The following CCDC178 variants were observed in gnomAD, a reference collection of about 807,000 sequenced individuals.
The protein encoded by CCDC178 is coiled-coil domain-containing protein 178.
CCDC178 carries 126 observed loss-of-function variants against 117.4 expected under a neutral mutation model. That is an observed-to-expected ratio of 1.07 (90% CI 0.93 to 1.24). The LOEUF (loss-of-function observed/expected upper bound fraction) is 1.24, where lower values mean the gene tolerates loss of function less well. Ranked by LOEUF, CCDC178 falls within the 50% of genes most tolerant of loss-of-function variation. The pLI is 0.00. For missense variants in CCDC178, 1,030 were observed against 986.9 expected, an observed-to-expected ratio of 1.04 and a Z score of -0.59; for synonymous variants, 283 against 313.4, an observed-to-expected ratio of 0.90 and a Z score of 1.02.
At chr18:33,187,019 T>C (rs185631) in intron 20 of CCDC178, among the ~76,000 whole-genome samples, 13,898 of 146,138 alleles carry the variant, frequency 0.095, 775 homozygotes, top group African/African-American at 0.18. Flanking sequence ...CAGTTCTGCA[T>C]GGCTGGGGAA....
intron 21 of CCDC178, among the ~76,000 whole-genome samples, chr18:33,066,868 A>T (rs2057025270): frequency 6.6e-6 from 1 of 152,176 alleles, no homozygotes; most frequent in Non-Finnish European, 1.5e-5. Context: ...ATATTACTAG[A>T]TCTTAAGAGA....
At chr18:32,955,320 G>T (rs1486511472) in intron 22 of CCDC178, among the ~76,000 whole-genome samples, 4 of 152,084 alleles carry the variant, frequency 2.6e-5, no homozygotes, top group Non-Finnish European at 5.9e-5. Flanking sequence ...AAGCCCAATT[G>T]TACTCCTATA....
intron 10 of CCDC178, among the ~76,000 whole-genome samples, chr18:33,328,749 G>T (rs2062623414): frequency 6.6e-6 from 1 of 152,110 alleles, no homozygotes; most frequent in Non-Finnish European, 1.5e-5. Flanking sequence ...CTTCTCCAAT[G>T]TGGTCTTCTT....
chr18:33,098,480 T>TG (rs1172944207), intron 20 of CCDC178, among the ~76,000 whole-genome samples: 1 of 152,048 alleles, frequency 6.6e-6, no homozygotes, highest in African/African-American at 2.4e-5. Context: ...TAATCTTTTC[T>TG]GATGATCTGT....
At chr18:33,326,088 C>T (rs953942965) in intron 10 of CCDC178, among the ~76,000 whole-genome samples, 4 of 152,150 alleles carry the variant, frequency 2.6e-5, no homozygotes, top group Admixed American at 2.6e-4. Flanking sequence ...TGTTACAGCT[C>T]CAAAGGAGAG....
chr18:33,279,009 G>C (rs377004691), intron 12 of CCDC178, among the ~76,000 whole-genome samples: 3 of 152,062 alleles, frequency 2.0e-5, no homozygotes, highest in South Asian at 4.1e-4. Context: ...TACTGAATGG[G>C]CAAAAACTGG....
chr18:33,041,879 A>G (rs149408958), intron 21 of CCDC178, among the ~76,000 whole-genome samples: 72 of 151,958 alleles, frequency 4.7e-4, no homozygotes, highest in African/African-American at 1.6e-3. Flanking sequence ...AGGCTATAAT[A>G]TTGGGGAATT....
chr18:33,435,896 T>G (rs1409306950), intron 2 of CCDC178, among the ~76,000 whole-genome samples: 1 of 151,938 alleles, frequency 6.6e-6, no homozygotes, highest in Non-Finnish European at 1.5e-5. Context: ...TGAAATCAGA[T>G]CTACGTGAGG....
chr18:33,174,801 C>A (rs1181487423), intron 20 of CCDC178, among the ~76,000 whole-genome samples: 1 of 151,804 alleles, frequency 6.6e-6, no homozygotes. Flanking sequence ...ATAGGAGTAA[C>A]CTTATCTCTC....
chr18:33,137,461 A>G (rs2058143084), intron 20 of CCDC178, among the ~76,000 whole-genome samples: 1 of 152,216 alleles, frequency 6.6e-6, no homozygotes, highest in Admixed American at 6.5e-5. Flanking sequence ...ATAAATTTCT[A>G]CAACTATTAG....
chr18:33,361,297 A>G (rs1393858582), intron 6 of CCDC178, among the ~76,000 whole-genome samples: 2 of 151,754 alleles, frequency 1.3e-5, no homozygotes, highest in East Asian at 3.9e-4. Context: ...TCACCAACAG[A>G]ATGAAATTGG....
chr18:33,183,123 C>T lies in CCDC178; in HGVS notation c.2238+28773G>A, dbSNP rs543692567. The stretch of plus-strand genomic sequence containing the variant: ...CGATATATGCATTTTATTGGCTTTA[C>T]AACAGTCAAAATATTGTTTCAGGGG... On this transcript the variant is annotated intron_variant, in intron 20 of 22. Coordinates refer to ENST00000383096, the MANE Select transcript of CCDC178 (RefSeq NM_001105528.4). 2.6e-5 allele frequency among the ~76,000 whole-genome samples: 4 copies of T among 151,974 alleles called. No homozygotes were observed. In the South Asian group the frequency reaches 8.3e-4, roughly 32 times the overall value.
chr18:32,996,238 G>A (rs74899227), intron 21 of CCDC178, among the ~76,000 whole-genome samples: 4,871 of 151,930 alleles, frequency 0.032, 120 homozygotes, highest in East Asian at 0.08. Flanking sequence ...AAAATCTGTA[G>A]TAATAAAGTT....
chr18:33,193,115 T>A (rs2058881591), intron 20 of CCDC178, among the ~76,000 whole-genome samples: 1 of 149,674 alleles, frequency 6.7e-6, no homozygotes, highest in South Asian at 2.1e-4. Flanking sequence ...ACAAAAAAAT[T>A]AGCCGGGCGT....
intron 20 of CCDC178, among the ~76,000 whole-genome samples, chr18:33,197,131 G>A (rs1279371552): frequency 8.6e-5 from 13 of 151,772 alleles, no homozygotes; most frequent in African/African-American, 3.2e-4. Context: ...GGGCTCAAGC[G>A]ATTCTCCTGC....
rs1299047804 is a variant in CCDC178, at chr18:33,064,902, T to A, written c.2388+27859A>T. Among the ~76,000 whole-genome samples the A allele has an allele frequency of 2.0e-5, 3 of 152,156 alleles. No individual in the cohort carries two copies. In the East Asian group the frequency reaches 5.8e-4, roughly 29 times the overall value. ...GTGGTGTATACATACAACAGAACAC[T>A]ATTCATCCATAGTAAAATATTGTCA... is the stretch of plus-strand genomic sequence containing the variant. On this transcript the variant is annotated intron_variant, in intron 21 of 22. Transcript: ENST00000383096.
chr18:33,253,736 G>T (rs111609216), intron 14 of CCDC178, among the ~76,000 whole-genome samples: 1 of 151,706 alleles, frequency 6.6e-6, no homozygotes, highest in African/African-American at 2.4e-5. Flanking sequence ...CTTACCTAAC[G>T]GAAGAGAAGA....
At chr18:33,364,873 C>A (rs1474932309) in intron 6 of CCDC178, among the ~76,000 whole-genome samples, 1 of 151,168 alleles carries the variant, frequency 6.6e-6, no homozygotes, top group Non-Finnish European at 1.5e-5. Context: ...GAGCACTATA[C>A]AATGTACAAC....
intron 12 of CCDC178, among the ~76,000 whole-genome samples, chr18:33,278,842 C>A (rs1181767805): frequency 6.6e-6 from 1 of 151,992 alleles, no homozygotes; most frequent in African/African-American, 2.4e-5. Context: ...TAAACAGAAC[C>A]AAAGACAAAA....
Sources: gnomAD v4.1 joint callset for allele counts (sites outside exome capture counted in the v4.1 genomes callset) on GRCh38, gnomAD v4.1.1 for gene constraint, MANE v1.5 for transcripts, NCBI Gene and HGNC (gene_info 2026-07-23, HGNC 2026-07-21) for gene names.